Variants in TCERG1L observed in about 807,000 individuals in gnomAD.
The protein encoded by TCERG1L is transcription elongation regulator 1-like protein.
A neutral mutation model predicts 56.3 loss-of-function variants in TCERG1L; 37 were observed. That is an observed-to-expected ratio of 0.66 (90% CI 0.51 to 0.87). TCERG1L has a LOEUF of 0.87. Among genes scored for constraint, TCERG1L ranks in the 40% least tolerant of loss-of-function variants. The pLI is 0.00. For missense variants in TCERG1L, 799 were observed against 774.2 expected (o/e 1.03, Z -0.38); for synonymous variants, 324 against 326.3 (o/e 0.99, Z 0.08).
intron 6 of TCERG1L, among the ~76,000 whole-genome samples, chr10:131,148,674 G>C (rs1245032734): frequency 1.2e-5 from 1 of 84,154 alleles, no homozygotes. Flanking sequence ...CTGGCCTTGA[G>C]GCTGGAGAAA....
At chr10:131,308,541 AAAG>A (rs1447756839) in intron 2 of TCERG1L, 150 bp from the exon 3 acceptor site, 4 of 691,082 alleles carry the variant, frequency 5.8e-6, no homozygotes, top group Admixed American at 3.0e-5. Context: ...TCTAAAACTT[AAAG>A]AAGTTCCACA....
intron 3 of TCERG1L, among the ~76,000 whole-genome samples, chr10:131,305,687 G>A (rs1846812430): frequency 6.6e-6 from 1 of 152,030 alleles, no homozygotes; most frequent in Non-Finnish European, 1.5e-5. Context: ...TGTTTACAAT[G>A]AGTGAGTTTG....
intron 4 of TCERG1L, among the ~76,000 whole-genome samples, chr10:131,233,449 T>C (rs1277331374): frequency 1.3e-5 from 2 of 149,658 alleles, no homozygotes; most frequent in East Asian, 1.9e-4. Flanking sequence ...TGCATACACA[T>C]GCACACAGAC....
intron 5 of TCERG1L, among the ~76,000 whole-genome samples, chr10:131,166,483 G>A (rs531708461): frequency 3.9e-5 from 6 of 152,228 alleles, no homozygotes; most frequent in Non-Finnish European, 4.4e-5. Flanking sequence ...TGCCTAAGTG[G>A]TGTCTGAGTT....
chr10:131,126,494 C>G (rs1188968728), intron 8 of TCERG1L, among the ~76,000 whole-genome samples: 1 of 151,844 alleles, frequency 6.6e-6, no homozygotes, highest in Non-Finnish European at 1.5e-5. Flanking sequence ...CAGTGAGCAG[C>G]AAGCTCCGGC....
chr10:131,223,197 GC>G (rs1390815814), intron 4 of TCERG1L, among the ~76,000 whole-genome samples: 3 of 152,222 alleles, frequency 2.0e-5, no homozygotes, highest in African/African-American at 7.2e-5. Flanking sequence ...TGCACCAGCA[GC>G]CGCTGGACTG....
At chr10:131,309,737 T>C (rs1354026195) in intron 1 of TCERG1L, among the ~76,000 whole-genome samples, 1 of 147,434 alleles carries the variant, frequency 6.8e-6, no homozygotes, top group Non-Finnish European at 1.5e-5. Flanking sequence ...TTTTGTCGTT[T>C]TACAAATAAC....
intron 5 of TCERG1L, among the ~76,000 whole-genome samples, chr10:131,165,281 A>G (rs997744459): frequency 6.6e-6 from 1 of 152,234 alleles, no homozygotes; most frequent in Non-Finnish European, 1.5e-5. Flanking sequence ...CATCTCGCAC[A>G]GTCTCCAGCG....
chr10:131,210,338 A>G (rs1589750012), intron 4 of TCERG1L, among the ~76,000 whole-genome samples: 1 of 151,878 alleles, frequency 6.6e-6, no homozygotes, highest in African/African-American at 2.4e-5. Flanking sequence ...AGTCCCCCCA[A>G]CCCTCTGCCC....
At position 131,257,045 on chromosome 10, in the gene TCERG1L, G is replaced by GA. The variant is rs563144240; in HGVS notation, c.856+3213dup. On this transcript the variant is annotated intron_variant, in intron 4 of 11. Transcript: ENST00000368642. ...AGAAAGAAAGAAAGAAAGAAAGAAA[G>GA]AAAGAAAGAAAAGAAAGAAAGAAAA... Among the ~76,000 whole-genome samples the GA allele has an allele frequency of 1.5e-3, 208 of 140,086 alleles. 1 individual carries two copies. Among genetic ancestry groups the GA allele is most frequent in the African/African-American group, 5.2e-3 (196 of 37,342 alleles). The allele number at this position is 140,086 out of a possible 152,430, so 91.9% of individuals were successfully genotyped here. A position where few individuals can be genotyped will look rare whatever the true frequency, so the allele number is the denominator to read the frequency against.
chr10:131,293,603 C>T (rs1469433654), intron 3 of TCERG1L, among the ~76,000 whole-genome samples: 1 of 152,106 alleles, frequency 6.6e-6, no homozygotes, highest in African/African-American at 2.4e-5. Flanking sequence ...CTCCCTCACA[C>T]AGAAACCTCC....
rs186529932 is a variant in TCERG1L at position 131,157,831 on chromosome 10, C to T, written c.1034+5291G>A. Among the ~76,000 whole-genome samples the T allele has an allele frequency of 1.3e-3, 204 of 152,318 alleles. 2 individuals are homozygous for T. Among genetic ancestry groups the T allele is most frequent in the Middle Eastern group, 6.8e-3 (2 of 294 alleles). On this transcript the variant is annotated intron_variant, in intron 6 of 11. Transcript: ENST00000368642. ...TCCTTAAAATACCATGCCTGGGACACGGTATCCTTGAAAGTACTCAGCAGT... is the reference window on the plus strand; with the variant it reads ...TCCTTAAAATACCATGCCTGGGACATGGTATCCTTGAAAGTACTCAGCAGT...
chr10:131,311,525 C>T lies in TCERG1L; in HGVS notation c.111G>A (p.Pro37=). ...WPMDAEPPPP[P]PWVWMVPGSA... ...AGCCCGGCACCATCCAGACCCAGGG[C>T]GGCGGCGGCGGCGGCTCTGCGTCCA... The change falls in exon 1 of 12, where the codon CCG becomes CCA. Residue 37 remains proline (P), a synonymous_variant. Coordinates refer to ENST00000368642, the MANE Select transcript of TCERG1L (RefSeq NM_174937.4). The surrounding 1 kb of genome is among the most constrained non-coding windows in gnomAD (Gnocchi z 4.0). 1.7e-6 allele frequency: 2 copies of T among 1,145,816 alleles called. No homozygotes were observed. Among genetic ancestry groups the T allele is most frequent in the Non-Finnish European group, 2.1e-6 (2 of 930,668 alleles). 71.0% of individuals were successfully genotyped at this position (1,145,816 alleles called of 1,614,324 possible). A position where few individuals can be genotyped will look rare whatever the true frequency, so the allele number is the denominator to read the frequency against.
chr10:131,208,007 A>C (rs2133484463), intron 4 of TCERG1L, among the ~76,000 whole-genome samples: 1 of 152,278 alleles, frequency 6.6e-6, no homozygotes, highest in Admixed American at 6.5e-5. Context: ...ACAATGAGCC[A>C]ACCCACCCGT....
chr10:131,279,798 G>A lies in TCERG1L; in HGVS notation c.671-19354C>T, dbSNP rs540218041. Reference sequence around the variant, plus strand: ...CCGGGCTTTGGTGGGTGACACTCACGGATGCTGAGACACCCATAGCAAACC... The same window carrying A: ...CCGGGCTTTGGTGGGTGACACTCACAGATGCTGAGACACCCATAGCAAACC... On this transcript the variant is annotated intron_variant, in intron 3 of 11. Coordinates refer to ENST00000368642, the MANE Select transcript of TCERG1L (RefSeq NM_174937.4). 4.1e-4 allele frequency among the ~76,000 whole-genome samples: 63 copies of A among 152,204 alleles called. 1 individual carries two copies. The East Asian group carries it at 9.7e-3, about 23-fold the overall frequency.
chr10:131,303,025 C>T (rs976421707), intron 3 of TCERG1L, among the ~76,000 whole-genome samples: 16 of 151,990 alleles, frequency 1.1e-4, no homozygotes, highest in African/African-American at 2.9e-4. Context: ...TCCAGTCTAT[C>T]GTTGATGGGC....
chr10:131,236,770 G>A (rs1845917646), intron 4 of TCERG1L, among the ~76,000 whole-genome samples: 1 of 152,144 alleles, frequency 6.6e-6, no homozygotes, highest in African/African-American at 2.4e-5. Flanking sequence ...GAAGGAAGGA[G>A]TAAGGCAGGT....
intron 4 of TCERG1L, among the ~76,000 whole-genome samples, chr10:131,245,843 A>G (rs1230224140): frequency 6.6e-6 from 1 of 152,116 alleles, no homozygotes; most frequent in Non-Finnish European, 1.5e-5. Flanking sequence ...GCCTCATGGA[A>G]GGGCTGGCCA....
chr10:131,280,465 AG>A, intron 3 of TCERG1L, among the ~76,000 whole-genome samples: 1 of 151,904 alleles, frequency 6.6e-6, no homozygotes, highest in African/African-American at 2.4e-5. Context: ...AAGGTAGATG[AG>A]AGAGGAATGG....
Sources: allele counts gnomAD v4.1 joint callset (sites outside exome capture counted in the v4.1 genomes callset), GRCh38; gene constraint gnomAD v4.1.1; non-coding constraint Gnocchi (gnomAD v3.1); transcripts MANE v1.5; gene names NCBI Gene and HGNC (gene_info 2026-07-23, HGNC 2026-07-21).